The following TRPC4 variants were observed in gnomAD, a reference collection of about 807,000 sequenced individuals.
TRPC4 encodes the protein transient receptor potential cation channel subfamily C member 4.
Under a neutral mutation model 99.4 loss-of-function variants are expected in TRPC4, and 49 were observed. The ratio of observed to expected loss-of-function variants is 0.49; its 90% CI spans 0.39 to 0.63. The LOEUF (loss-of-function observed/expected upper bound fraction) is 0.63. Ranked by LOEUF, TRPC4 falls within the 20% of genes least tolerant of loss-of-function variation. TRPC4 has a pLI of 0.00. For synonymous variants in TRPC4, 454 were observed against 425.9 expected, an observed-to-expected ratio of 1.07 and a Z score of -0.81; for missense variants, 898 against 1,152.9, an observed-to-expected ratio of 0.78 and a Z score of 3.20.
At chr13:37,831,595 G>A (rs1337279653) in intron 1 of TRPC4, among the ~76,000 whole-genome samples, 1 of 152,072 alleles carries the variant, frequency 6.6e-6, no homozygotes, top group African/African-American at 2.4e-5. Context: ...GTTCATTACA[G>A]AATTATTCAC....
rs554185467 is a variant in TRPC4 at position 37,691,256 on chromosome 13, C to T, written c.1234+743G>A. Among the ~76,000 whole-genome samples, 56 of 152,234 alleles carry T rather than the reference C, an allele frequency of 3.7e-4. No homozygotes were observed. The East Asian group carries it at 6.6e-3, about 18-fold the overall frequency. ...AGCTGGGACTACAGGCGCCCGCCAC[C>T]ACGCCCGGCTAATTTCTTTTTGAAT... On this transcript the variant is annotated intron_variant, in intron 4 of 10. Coordinates refer to ENST00000379705, the MANE Select transcript of TRPC4 (RefSeq NM_016179.4).
chr13:37,641,320 G>T (rs759512902), intron 8 of TRPC4, among the ~76,000 whole-genome samples: 66 of 152,252 alleles, frequency 4.3e-4, no homozygotes, highest in Non-Finnish European at 8.5e-4. Context: ...GTACCTTTCA[G>T]GCGTTATTCA....
At chr13:37,779,768 C>T (rs953181205) in intron 2 of TRPC4, among the ~76,000 whole-genome samples, 6 of 152,032 alleles carry the variant, frequency 3.9e-5, no homozygotes, top group African/African-American at 1.4e-4. Flanking sequence ...AAAAACTACG[C>T]ATGTCCAATT....
intron 1 of TRPC4, among the ~76,000 whole-genome samples, chr13:37,806,542 C>T (rs959450821): frequency 3.3e-5 from 5 of 152,134 alleles, no homozygotes; most frequent in African/African-American, 1.2e-4. Flanking sequence ...CCCAGAAATA[C>T]AGTTGCAACC....
intron 2 of TRPC4, among the ~76,000 whole-genome samples, chr13:37,760,089 T>G (rs2139234791): frequency 6.6e-6 from 1 of 152,150 alleles, no homozygotes; most frequent in South Asian, 2.1e-4. Context: ...ATTATTTATA[T>G]AAAGATTCCT....
chr13:37,710,827 A>G (rs1954459618), intron 3 of TRPC4, among the ~76,000 whole-genome samples: 1 of 151,930 alleles, frequency 6.6e-6, no homozygotes, highest in Admixed American at 6.6e-5. Flanking sequence ...GGAAAGGGAA[A>G]AAAGTGAATG....
chr13:37,709,504 T>G (rs926906360), intron 3 of TRPC4, among the ~76,000 whole-genome samples: 1 of 152,020 alleles, frequency 6.6e-6, no homozygotes, highest in Admixed American at 6.6e-5. Context: ...TAGGGAATGA[T>G]AAATCACATC....
At chr13:37,672,045 T>C (rs1952865861) in intron 5 of TRPC4, among the ~76,000 whole-genome samples, 1 of 152,196 alleles carries the variant, frequency 6.6e-6, no homozygotes, top group Non-Finnish European at 1.5e-5. Context: ...GTGAGTTTAA[T>C]TCTAAACATG....
chr13:37,666,304 T>C (rs1387660429), intron 5 of TRPC4, among the ~76,000 whole-genome samples: 1 of 152,234 alleles, frequency 6.6e-6, no homozygotes, highest in African/African-American at 2.4e-5. Context: ...CAAACCCCTG[T>C]ATACACAGGG....
At chr13:37,825,107 T>G (rs1958161648) in intron 1 of TRPC4, among the ~76,000 whole-genome samples, 1 of 151,872 alleles carries the variant, frequency 6.6e-6, no homozygotes, top group Non-Finnish European at 1.5e-5. Context: ...TTCTGTGGGA[T>G]CAGTGGTGAT....
In TRPC4 at chr13:37,637,203, T is replaced by G. The variant is rs1423731689; in HGVS notation, c.2634A>C (p.Gly878=). The G allele has an allele frequency of 6.2e-7, 1 of 1,613,902 alleles. No homozygotes were observed. The highest frequency in any genetic ancestry group is 1.7e-5 in the Admixed American group (1 of 59,956). ...CCAGTTGAATATTTCTCTCAAGTGG[T>G]CCTGCAGCCTGTTGACGAGCAACTT... ...SEEVARQQAA[G]PLERNIQLES... The change falls in exon 11 of 11, where the codon GGA becomes GGC. Residue 878 remains glycine (G), a synonymous_variant. Transcript: ENST00000379705.
At chr13:37,709,296 T>C (rs1954393401) in intron 3 of TRPC4, among the ~76,000 whole-genome samples, 1 of 151,966 alleles carries the variant, frequency 6.6e-6, no homozygotes. Context: ...TTCTGTTCAA[T>C]ACCTGGATTT....
In TRPC4 at chr13:37,692,318, A is replaced by G; in HGVS notation, c.915T>C (p.Asn305=). 1 of 1,613,662 alleles carries G rather than the reference A, an allele frequency of 6.2e-7. No homozygotes were observed. Among genetic ancestry groups the G allele is most frequent in the Non-Finnish European group, 8.5e-7 (1 of 1,179,676 alleles). Residue 305 remains asparagine, a synonymous_variant, in exon 4 of 11, where the codon AAT becomes AAC. Coordinates refer to ENST00000379705, the MANE Select transcript of TRPC4 (RefSeq NM_016179.4). ...YRQKEFVAQP[N]CQQLLASRWY... is the part of the protein sequence containing the mutation. ...AGCGAGATGCCAGCAGCTGTTGACA[A>G]TTGGGCTGGGCAACAAACTAAACAG... is the stretch of plus-strand genomic sequence containing the variant.
intron 1 of TRPC4, among the ~76,000 whole-genome samples, chr13:37,839,109 T>C (rs1221589325): frequency 6.6e-6 from 1 of 152,134 alleles, no homozygotes; most frequent in Non-Finnish European, 1.5e-5. Context: ...TATTGACAAG[T>C]AGTAGTATTG....
chr13:37,735,560 T>C (rs1247752135), intron 3 of TRPC4, among the ~76,000 whole-genome samples: 1 of 152,188 alleles, frequency 6.6e-6, no homozygotes, highest in Non-Finnish European at 1.5e-5. Context: ...CATGATTGTA[T>C]CTGAATAATG....
In TRPC4 at chr13:37,634,332, G is replaced by T. The variant is rs74853175; in HGVS notation, c.*2571C>A. Among the ~76,000 whole-genome samples, 114 of 152,032 alleles carry T rather than the reference G, an allele frequency of 7.5e-4. 2 individuals carry two copies. In the East Asian group the frequency reaches 0.021, roughly 27 times the overall value. Reference sequence around the variant, plus strand: ...CATTAATGCTACATAATGTCACTACGTATTTAGAATAGCATTCAATTCTAG... The same window carrying T: ...CATTAATGCTACATAATGTCACTACTTATTTAGAATAGCATTCAATTCTAG... On this transcript the variant is annotated 3_prime_UTR_variant, in exon 11 of 11. Transcript: ENST00000379705.
chr13:37,804,230 T>C (rs1404924790), intron 1 of TRPC4, among the ~76,000 whole-genome samples: 1 of 152,122 alleles, frequency 6.6e-6, no homozygotes, highest in Non-Finnish European at 1.5e-5. Flanking sequence ...ACTGCCATGT[T>C]CTTCGTCTAT....
intron 8 of TRPC4, 116 bp from the exon 9 acceptor site, chr13:37,639,415 T>C (rs753841306): frequency 2.6e-5 from 27 of 1,056,510 alleles, no homozygotes; most frequent in Non-Finnish European, 3.5e-5. Flanking sequence ...GTGGGAGTTT[T>C]ACTAGTCAAT....
intron 3 of TRPC4, among the ~76,000 whole-genome samples, chr13:37,716,021 G>T (rs1407410507): frequency 7.9e-5 from 12 of 152,128 alleles, no homozygotes; most frequent in African/African-American, 2.9e-4. Context: ...CTTTTTAAGA[G>T]CCTCAAGACC....
Sources: gnomAD v4.1 joint callset for allele counts (sites outside exome capture counted in the v4.1 genomes callset) on GRCh38, gnomAD v4.1.1 for gene constraint, MANE v1.5 for transcripts, NCBI Gene and HGNC (gene_info 2026-07-23, HGNC 2026-07-21) for gene names.